GRM8: variants seen among roughly 807,000 people sequenced by gnomAD.
The protein encoded by GRM8 is metabotropic glutamate receptor 8.
A neutral mutation model predicts 87.2 loss-of-function variants in GRM8; 47 were observed. The observed-to-expected ratio is 0.54, with a 90% CI of 0.43 to 0.69. GRM8 has a LOEUF of 0.69. GRM8 is among the 30% of genes least tolerant of loss of function. The pLI is 0.00. For missense variants in GRM8, 1,019 were observed against 1,139.2 expected, an observed-to-expected ratio of 0.89 and a Z score of 1.52; for synonymous variants, 396 against 404.5, an observed-to-expected ratio of 0.98 and a Z score of 0.25.
In GRM8 at chr7:127,182,745, A is replaced by G. The variant is rs193213461; in HGVS notation, c.510+59950T>C. On this transcript the variant is annotated intron_variant, in intron 2 of 10. Coordinates refer to ENST00000339582, the MANE Select transcript of GRM8 (RefSeq NM_000845.3). The stretch of plus-strand genomic sequence containing the variant: ...AAATGGATAAATTAACAGCACTTGC[A>G]GTCACTTAGATGAGATTGGAGACGA... Among the ~76,000 whole-genome samples the G allele has an allele frequency of 1.3e-3, 194 of 151,788 alleles. 1 individual carries two copies. Among genetic ancestry groups the G allele is most frequent in the South Asian group, 5.2e-3 (25 of 4,812 alleles).
At chr7:126,524,579 T>C (rs867747060) in intron 9 of GRM8, among the ~76,000 whole-genome samples, 1 of 152,204 alleles carries the variant, frequency 6.6e-6, no homozygotes, top group Admixed American at 6.5e-5. Flanking sequence ...GTTTTGTTTT[T>C]GTATTTAGGT....
At chr7:126,727,808 A>C (rs768335940) in intron 7 of GRM8, among the ~76,000 whole-genome samples, 2 of 151,928 alleles carry the variant, frequency 1.3e-5, no homozygotes, top group Non-Finnish European at 2.9e-5. Context: ...TCTATCTCCC[A>C]CAACCTTTAA....
chr7:126,565,312 A>C (rs1161234346), intron 8 of GRM8, among the ~76,000 whole-genome samples: 1 of 152,128 alleles, frequency 6.6e-6, no homozygotes, highest in African/African-American at 2.4e-5. Flanking sequence ...AATTATTAAA[A>C]AAACAAAACA....
chr7:126,502,172 A>C (rs1809744164), intron 9 of GRM8, among the ~76,000 whole-genome samples: 1 of 152,090 alleles, frequency 6.6e-6, no homozygotes, highest in Non-Finnish European at 1.5e-5. Flanking sequence ...AACATAAAAA[A>C]GAAAAAAAGA....
chr7:126,533,519 A>G lies in GRM8; in HGVS notation c.1863T>C (p.Leu621=). 6.2e-7 allele frequency: 1 copy of G among 1,614,110 alleles called. No individual in the cohort carries two copies. The highest frequency in any genetic ancestry group is 8.5e-7 in the Non-Finnish European group (1 of 1,179,984). ...AAATCCCCGTTAGGAGCACGTAACT[A>G]AGTTCGCGTCCTGAAGCCCTCACGA... ...TPIVRASGRE[L]SYVLLTGIFL... Residue 621 remains leucine, a synonymous_variant, in exon 9 of 11, where the codon CTT becomes CTC. Transcript: ENST00000339582.
intron 7 of GRM8, among the ~76,000 whole-genome samples, chr7:126,745,168 G>T (rs1285697721): frequency 6.6e-6 from 1 of 151,224 alleles, no homozygotes; most frequent in Admixed American, 6.6e-5. Context: ...TATATGTTAG[G>T]ATTCTCTACA....
chr7:126,811,422 G>A (rs1793283293), intron 6 of GRM8, among the ~76,000 whole-genome samples: 1 of 151,758 alleles, frequency 6.6e-6, no homozygotes, highest in South Asian at 2.1e-4. Flanking sequence ...TGGTATTTTG[G>A]TAGGAAGTGC....
At chr7:127,051,738 GCA>G (rs370120160) in intron 3 of GRM8, among the ~76,000 whole-genome samples, 289 of 13,030 alleles carry the variant, frequency 0.022, 16 homozygotes, top group African/African-American at 0.049. Flanking sequence ...ATAATGTTGA[GCA>G]AAAAAAAAAA....
chr7:126,715,437 G>A (rs569480975), intron 7 of GRM8, among the ~76,000 whole-genome samples: 2 of 152,220 alleles, frequency 1.3e-5, no homozygotes, highest in East Asian at 3.9e-4. Context: ...CACCATGTAT[G>A]GTCTGAAAGT....
intron 7 of GRM8, among the ~76,000 whole-genome samples, chr7:126,661,990 G>T (rs900103896): frequency 1.3e-5 from 2 of 150,922 alleles, no homozygotes; most frequent in Non-Finnish European, 3.0e-5. Context: ...GACTAAAAAG[G>T]TATTGTTATT....
chr7:127,006,167 C>T (rs1814273571), intron 3 of GRM8, among the ~76,000 whole-genome samples: 1 of 151,928 alleles, frequency 6.6e-6, no homozygotes, highest in Non-Finnish European at 1.5e-5. Flanking sequence ...GACCCATTCA[C>T]TTCATTTTTC....
chr7:127,018,405 T>C (rs770592854), intron 3 of GRM8, among the ~76,000 whole-genome samples: 1 of 147,754 alleles, frequency 6.8e-6, no homozygotes, highest in Non-Finnish European at 1.5e-5. Flanking sequence ...CCTGAAAATC[T>C]TAAAGTGGCT....
intron 3 of GRM8, among the ~76,000 whole-genome samples, chr7:126,930,501 G>A (rs912921625): frequency 2.0e-5 from 3 of 152,130 alleles, no homozygotes; most frequent in African/African-American, 7.2e-5. Context: ...TTTGCCTCAG[G>A]AATGTCAGAT....
chr7:126,736,029 G>A (rs986085640), intron 7 of GRM8, among the ~76,000 whole-genome samples: 1 of 152,026 alleles, frequency 6.6e-6, no homozygotes, highest in Non-Finnish European at 1.5e-5. Context: ...TTAATGTTAA[G>A]TTCTTCCAGA....
chr7:126,834,317 A>G lies in GRM8; in HGVS notation c.1157-64252T>C, dbSNP rs150712017. ...AGGGGAAACAATACATGGGAATTCA[A>G]TTGTGCATATCCTAATGGAGTCACT... On this transcript the variant is annotated intron_variant, in intron 6 of 10. Coordinates refer to ENST00000339582, the MANE Select transcript of GRM8 (RefSeq NM_000845.3). Among the ~76,000 whole-genome samples the G allele has an allele frequency of 2.5e-3, 385 of 152,358 alleles. 2 individuals are homozygous for G. The highest frequency in any genetic ancestry group is 8.8e-3 in the African/African-American group (366 of 41,590).
chr7:126,511,536 G>A (rs1811370606), intron 9 of GRM8: 2 of 151,970 alleles, frequency 1.3e-5, no homozygotes, highest in Admixed American at 1.3e-4. Context: ...TCCATTGAAG[G>A]CAAGTTATCA....
chr7:126,455,974 G>A lies in GRM8; in HGVS notation c.2431-9602C>T, dbSNP rs544115758. ...GGAAGACTGTGGAATTAAAATTATTGTTATCTTAGAGAAGTTTTGAAAAAA... is the reference window on the plus strand; with the variant it reads ...GGAAGACTGTGGAATTAAAATTATTATTATCTTAGAGAAGTTTTGAAAAAA... On this transcript the variant is annotated intron_variant, in intron 9 of 10. Transcript: ENST00000339582. 2.6e-5 allele frequency among the ~76,000 whole-genome samples: 4 copies of A among 151,312 alleles called. No individual in the cohort carries two copies. The South Asian group carries it at 8.3e-4, about 32-fold the overall frequency.
intron 7 of GRM8, among the ~76,000 whole-genome samples, chr7:126,738,132 T>C (rs143208909): frequency 0.013 from 2,031 of 152,178 alleles, 20 homozygotes; most frequent in Non-Finnish European, 0.021. Context: ...AAGTCCAGCA[T>C]AGCCAGAGAA....
chr7:127,187,909 T>C (rs1794822799), intron 2 of GRM8, among the ~76,000 whole-genome samples: 1 of 152,224 alleles, frequency 6.6e-6, no homozygotes, highest in Non-Finnish European at 1.5e-5. Context: ...ATCAAAGGTC[T>C]CTTTTATCTC....
Sources: allele counts gnomAD v4.1 joint callset (sites outside exome capture counted in the v4.1 genomes callset), GRCh38; gene constraint gnomAD v4.1.1; transcripts MANE v1.5; gene names NCBI Gene and HGNC (gene_info 2026-07-23, HGNC 2026-07-21).